The following TNFAIP8L3 variants were observed in gnomAD, a reference collection of about 807,000 sequenced individuals.
TNFAIP8L3 encodes the protein tumor necrosis factor alpha-induced protein 8-like protein 3.
In TNFAIP8L3, 7 loss-of-function variants were observed where a neutral mutation model predicts 11.8. The ratio of observed to expected loss-of-function variants is 0.59; its 90% CI spans 0.34 to 1.11. The LOEUF (loss-of-function observed/expected upper bound fraction) is 1.11. Among genes scored for constraint, TNFAIP8L3 ranks in the 50% most tolerant of loss-of-function variants. The pLI, the probability that TNFAIP8L3 is intolerant of heterozygous loss-of-function variation, is 0.03. For synonymous variants in TNFAIP8L3, 98 were observed against 103.8 expected (o/e 0.94, Z 0.34); for missense variants, 219 against 258.6 (o/e 0.85, Z 1.05).
intron 1 of TNFAIP8L3, among the ~76,000 whole-genome samples, chr15:51,059,672 A>T (rs1300860037): frequency 6.6e-6 from 1 of 152,270 alleles, no homozygotes; most frequent in Non-Finnish European, 1.5e-5. Context: ...TACAAGAGAA[A>T]TGCAGAAGAA....
At chr15:51,087,681 A>G (rs543322351) in intron 1 of TNFAIP8L3, among the ~76,000 whole-genome samples, 5 of 151,996 alleles carry the variant, frequency 3.3e-5, no homozygotes, top group African/African-American at 1.2e-4. Flanking sequence ...GTTACAAAAT[A>G]CTGGTTTCTA....
At chr15:51,077,128 C>A (rs2065357718) in intron 1 of TNFAIP8L3, among the ~76,000 whole-genome samples, 1 of 152,206 alleles carries the variant, frequency 6.6e-6, no homozygotes. Flanking sequence ...CTGCTCCCTC[C>A]CCTGTTTCCC....
chr15:51,086,785 A>T (rs1595616932), intron 1 of TNFAIP8L3, among the ~76,000 whole-genome samples: 1 of 152,236 alleles, frequency 6.6e-6, no homozygotes, highest in Admixed American at 6.5e-5. Flanking sequence ...AGGATAAATA[A>T]AAAGTAAAAC....
intron 1 of TNFAIP8L3, among the ~76,000 whole-genome samples, chr15:51,066,778 G>A (rs1004630423): frequency 6.6e-5 from 10 of 152,196 alleles, no homozygotes; most frequent in African/African-American, 2.4e-4. Flanking sequence ...AGTAGCTGTG[G>A]GGGCAGGACC....
At chr15:51,103,718 G>A (rs2065569847) in intron 1 of TNFAIP8L3, among the ~76,000 whole-genome samples, 1 of 152,134 alleles carries the variant, frequency 6.6e-6, no homozygotes, top group Non-Finnish European at 1.5e-5. Context: ...TTCTTCTAAT[G>A]TATATTTTGT....
chr15:51,072,379 A>G (rs2065315522), intron 1 of TNFAIP8L3, among the ~76,000 whole-genome samples: 1 of 152,136 alleles, frequency 6.6e-6, no homozygotes, highest in Non-Finnish European at 1.5e-5. Flanking sequence ...ATCTCAAGTG[A>G]TCTGCCTCCT....
intron 1 of TNFAIP8L3, among the ~76,000 whole-genome samples, chr15:51,101,577 C>T (rs1360971274): frequency 5.3e-5 from 8 of 151,044 alleles, no homozygotes; most frequent in African/African-American, 9.8e-5. Flanking sequence ...GCTGAGATCC[C>T]GCCATTGCCC....
upstream of TNFAIP8L3, among the ~76,000 whole-genome samples, chr15:51,094,966 C>T (rs1414593645): frequency 1.3e-5 from 2 of 151,882 alleles, no homozygotes; most frequent in Admixed American, 6.5e-5. The surrounding 1 kb of genome is among the most constrained non-coding windows in gnomAD (Gnocchi z 4.4). Flanking sequence ...CCTCCCTACC[C>T]GCGCCCTGCG....
Position 51,057,783 on chromosome 15 carries a change from CTT to C in TNFAIP8L3, c.*96_*97del. 1 of 1,080,386 alleles carries C rather than the reference CTT, an allele frequency of 9.3e-7. No individual in the cohort carries two copies. Among genetic ancestry groups the C allele is most frequent in the South Asian group, 1.6e-5 (1 of 61,250 alleles). 66.9% of individuals were successfully genotyped at this position (1,080,386 alleles called of 1,614,324 possible). On this transcript the variant is annotated 3_prime_UTR_variant, in exon 2 of 2. Transcript: ENST00000637513. ...GATGAACAGGAAAGAACATGGACATCTTTGACAAGGGTTTCTGCTTATGTTCT... is the reference window on the plus strand; with the variant it reads ...GATGAACAGGAAAGAACATGGACATCTGACAAGGGTTTCTGCTTATGTTCT...
At chr15:51,087,047 C>A (rs532058120) in intron 1 of TNFAIP8L3, among the ~76,000 whole-genome samples, 1 of 152,232 alleles carries the variant, frequency 6.6e-6, no homozygotes, top group African/African-American at 2.4e-5. Flanking sequence ...CACCACCATG[C>A]CCAGCTAATT....
chr15:51,079,061 C>T (rs2065374501), intron 1 of TNFAIP8L3, among the ~76,000 whole-genome samples: 1 of 152,220 alleles, frequency 6.6e-6, no homozygotes, highest in African/African-American at 2.4e-5. Flanking sequence ...GCCCAGACAA[C>T]TCTTTAGCAT....
At chr15:51,100,669 C>T (rs182843828) in intron 1 of TNFAIP8L3, among the ~76,000 whole-genome samples, 5 of 151,790 alleles carry the variant, frequency 3.3e-5, no homozygotes, top group African/African-American at 1.2e-4. Context: ...TTTAAGAAGA[C>T]ATATCAGGGA....
chr15:51,075,444 A>T (rs534698871), intron 1 of TNFAIP8L3, among the ~76,000 whole-genome samples: 3 of 152,164 alleles, frequency 2.0e-5, no homozygotes, highest in Non-Finnish European at 4.4e-5. Context: ...CACACTCATG[A>T]GCTATTTTAA....
intron 1 of TNFAIP8L3, among the ~76,000 whole-genome samples, chr15:51,060,123 T>C (rs937696683): frequency 2.6e-5 from 4 of 152,250 alleles, no homozygotes; most frequent in Non-Finnish European, 5.9e-5. Context: ...GAGAAAGCTC[T>C]GACTTCCTGA....
chr15:51,093,152 A>C (rs191178297), intron 1 of TNFAIP8L3, among the ~76,000 whole-genome samples: 1 of 152,362 alleles, frequency 6.6e-6, no homozygotes. Context: ...CAAAGGGCTC[A>C]TGTTTATGAA....
intron 1 of TNFAIP8L3, among the ~76,000 whole-genome samples, chr15:51,069,131 C>G (rs1226480226): frequency 1.3e-5 from 2 of 152,186 alleles, no homozygotes; most frequent in African/African-American, 2.4e-5. Context: ...GTCTTCACCC[C>G]CTCTGCCGTG....
chr15:51,090,548 C>T (rs946704431), intron 1 of TNFAIP8L3, among the ~76,000 whole-genome samples: 4 of 152,220 alleles, frequency 2.6e-5, no homozygotes, highest in African/African-American at 9.7e-5. Context: ...GCCCTCTACT[C>T]TAGCTGCCTT....
intron 1 of TNFAIP8L3, among the ~76,000 whole-genome samples, chr15:51,082,665 C>T (rs2140975944): frequency 6.6e-6 from 1 of 152,306 alleles, no homozygotes; most frequent in African/African-American, 2.4e-5. Flanking sequence ...AACACAAGCA[C>T]ATTGTATAGC....
rs1268381436 is a variant in TNFAIP8L3 at position 51,058,089 on chromosome 15, T to C, written c.407A>G (p.Asn136Ser). 4 of 1,613,988 alleles carry C rather than the reference T, an allele frequency of 2.5e-6. No individual in the cohort carries two copies. The highest frequency in any genetic ancestry group is 1.1e-5 in the South Asian group (1 of 91,064). Residue 136 changes from asparagine to serine, a missense_variant, in exon 2 of 2, where the codon AAT (asparagine) becomes AGT (serine). Transcript: ENST00000637513. ...EYTFDRNVLS[N>S]LLHECKDLVH... is the part of the protein sequence containing the mutation. ...CAGGTCCTTGCACTCATGCAGGAGA[T>C]TGGAGAGCACGTTCCTATCGAAGGT...
Sources: gnomAD v4.1 joint callset for allele counts (sites outside exome capture counted in the v4.1 genomes callset) on GRCh38, gnomAD v4.1.1 for gene constraint, Gnocchi (gnomAD v3.1) non-coding constraint, MANE v1.5 for transcripts, NCBI Gene and HGNC (gene_info 2026-07-23, HGNC 2026-07-21) for gene names.